MAST3: variants seen among roughly 807,000 people sequenced by gnomAD.
MAST3 encodes microtubule-associated serine/threonine-protein kinase 3.
Under a neutral mutation model 127.0 loss-of-function variants are expected in MAST3, and 43 were observed. That is an observed-to-expected ratio of 0.34 (90% CI 0.27 to 0.44). The LOEUF is 0.44. Ranked by LOEUF, MAST3 falls within the 20% of genes least tolerant of loss-of-function variation. The probability of loss-of-function intolerance (pLI) is 1.00; values close to 1 mark genes in which losing one functional copy is unlikely to be tolerated. For missense variants in MAST3, 1,390 were observed against 1,919.1 expected (o/e 0.72, Z 5.15); for synonymous variants, 785 against 809.2 (o/e 0.97, Z 0.51).
In MAST3 at chr19:18,128,413, G is replaced by A; in HGVS notation, c.1092G>A (p.Leu364=). 1 of 1,554,060 alleles carries A rather than the reference G, an allele frequency of 6.4e-7. No homozygotes were observed. Among genetic ancestry groups the A allele is most frequent in the Non-Finnish European group, 8.7e-7 (1 of 1,149,458 alleles). ...CTCATCTTGCAGAGATGGTGCCACT[G>A]AGTCACCTCGAAGAAGAACAGCCCC... ...AKDPLEEMVP[L]SHLEEEQPPA... is the part of the protein sequence containing the mutation. The change falls in exon 12 of 28, where the codon CTG becomes CTA. Residue 364 remains leucine, a synonymous_variant. Coordinates refer to ENST00000687212, the MANE Select transcript of MAST3 (RefSeq NM_001393504.1).
intron 1 of MAST3, among the ~76,000 whole-genome samples, chr19:18,101,336 TTCC>T (rs147438175): frequency 3.5e-4 from 50 of 144,090 alleles, no homozygotes; most frequent in East Asian, 1.5e-3. Flanking sequence ...TCCACTTATT[TTCC>T]TCCTCCTCCT....
chr19:18,132,974 G>A (rs1021123610), intron 15 of MAST3, among the ~76,000 whole-genome samples: 1 of 152,236 alleles, frequency 6.6e-6, no homozygotes, highest in South Asian at 2.1e-4. Flanking sequence ...GTGGTAGCGC[G>A]CACTTGTAGT....
intron 3 of MAST3, among the ~76,000 whole-genome samples, chr19:18,115,395 G>C (rs754738744): frequency 6.6e-6 from 1 of 152,114 alleles, no homozygotes; most frequent in East Asian, 1.9e-4. Context: ...GGCTGGGGAC[G>C]AGGGGGCAGC....
chr19:18,146,538 CTCATGGG>C (rs2043031318), intron 25 of MAST3, among the ~76,000 whole-genome samples: 2 of 152,026 alleles, frequency 1.3e-5, no homozygotes, highest in East Asian at 3.9e-4. Flanking sequence ...GGCCTAATGA[CTCATGGG>C]CCATTAGGTG....
chr19:18,109,658 C>G (rs2035293447), intron 2 of MAST3, among the ~76,000 whole-genome samples: 1 of 152,034 alleles, frequency 6.6e-6, no homozygotes, highest in Admixed American at 6.5e-5. Flanking sequence ...GCAGGTACAG[C>G]TTGGCGGAGG....
intron 19 of MAST3, 28 bp from the exon 20 acceptor site, chr19:18,138,987 G>C: frequency 1.4e-6 from 2 of 1,466,414 alleles, no homozygotes; most frequent in Non-Finnish European, 1.9e-6. Context: ...GGCATCAGGC[G>C]TGCTGCATGT....
Position 18,144,786 on chromosome 19 carries a change from A to T in MAST3, c.2812+93A>T. 1 of 1,355,604 alleles carries T rather than the reference A, an allele frequency of 7.4e-7. No individual in the cohort carries two copies. The highest frequency in any genetic ancestry group is 1.0e-6 in the Non-Finnish European group (1 of 965,136). The allele number at this position is 1,355,604 out of a possible 1,614,324, so 84.0% of individuals were successfully genotyped here. On this transcript the variant is annotated intron_variant, in intron 23 of 27. Coordinates refer to ENST00000687212, the MANE Select transcript of MAST3 (RefSeq NM_001393504.1). This position sits in a 1 kb window ranked among gnomAD's most constrained non-coding sequence, Gnocchi z 4.0. The stretch of plus-strand genomic sequence containing the variant: ...TCCTGAGTTGGGGAGGCTGGGGATG[A>T]GCCCCAGAAGAGGGGAGGAGGAGTA...
chr19:18,143,670 CAGACT>C, intron 21 of MAST3, 88 bp from the exon 22 acceptor site: 1 of 1,504,316 alleles, frequency 6.6e-7, no homozygotes, highest in South Asian at 1.2e-5. Flanking sequence ...CCCTTGACTG[CAGACT>C]GAGAGTTAAG....
intron 2 of MAST3, among the ~76,000 whole-genome samples, chr19:18,108,531 A>G (rs930923848): frequency 6.7e-4 from 102 of 151,740 alleles, no homozygotes; most frequent in African/African-American, 2.4e-3. Flanking sequence ...GAGCCTCCAC[A>G]CCTGACTTGT....
At chr19:18,118,762 G>T (rs796374744) in intron 3 of MAST3, among the ~76,000 whole-genome samples, 7 of 152,302 alleles carry the variant, frequency 4.6e-5, no homozygotes, top group African/African-American at 1.7e-4. Flanking sequence ...GGATAAGTGA[G>T]GGCTGTGGAT....
At position 18,144,118 on chromosome 19, in the gene MAST3, C is replaced by A; in HGVS notation, c.2584+111C>A. The stretch of plus-strand genomic sequence containing the variant: ...AGGAGTTCTCCAGAGCCAACAAAGG[C>A]TTTAAGAGAGGAGAAGCCAGGGTCC... On this transcript the variant is annotated intron_variant, in intron 22 of 27. Transcript: ENST00000687212. The surrounding 1 kb of genome is among the most constrained non-coding windows in gnomAD (Gnocchi z 4.0). 3 of 1,414,726 alleles carry A rather than the reference C, an allele frequency of 2.1e-6. No individual in the cohort carries two copies. The highest frequency in any genetic ancestry group is 2.9e-5 in the South Asian group (2 of 69,964). The allele number at this position is 1,414,726 out of a possible 1,614,324, so 87.6% of individuals were successfully genotyped here.
intron 2 of MAST3, chr19:18,109,854 C>A (rs1213352001): frequency 7.5e-6 from 6 of 796,298 alleles, no homozygotes; most frequent in Non-Finnish European, 9.1e-6. Context: ...GGAGTTGGGG[C>A]GGACTGCGCT....
intron 1 of MAST3, among the ~76,000 whole-genome samples, 182 bp downstream of exon 1, chr19:18,098,013 AG>A (rs973416121): frequency 5.3e-5 from 8 of 152,090 alleles, no homozygotes; most frequent in African/African-American, 1.4e-4. Context: ...CATGGTGGGA[AG>A]GGGGAAGGTG....
Position 18,118,915 on chromosome 19 carries a change from A to G in MAST3, c.162-2770A>G, listed in dbSNP as rs552239141. ...GGGCGGTGGGACCAGCTACCGAAAGACCTTGAATGCTGAGTCCAGGGCTTA... is the reference window on the plus strand; with the variant it reads ...GGGCGGTGGGACCAGCTACCGAAAGGCCTTGAATGCTGAGTCCAGGGCTTA... On this transcript the variant is annotated intron_variant, in intron 3 of 27. Coordinates refer to ENST00000687212, the MANE Select transcript of MAST3 (RefSeq NM_001393504.1). Among the ~76,000 whole-genome samples the G allele has an allele frequency of 2.0e-5, 3 of 152,150 alleles. No homozygotes were observed. In the East Asian group the frequency reaches 5.8e-4, roughly 29 times the overall value.
chr19:18,141,773 C>A, intron 20 of MAST3, 109 bp from the exon 21 acceptor site: 1 of 911,006 alleles, frequency 1.1e-6, no homozygotes, highest in Non-Finnish European at 1.5e-6. Flanking sequence ...CCAGGCTGGT[C>A]TCAAACTCCT....
At chr19:18,140,859 T>A (rs1176932305) in intron 20 of MAST3, among the ~76,000 whole-genome samples, 1 of 152,226 alleles carries the variant, frequency 6.6e-6, no homozygotes, top group East Asian at 1.9e-4. Flanking sequence ...AATAGTGCAA[T>A]CTCAGCTCAC....
chr19:18,116,198 A>G (rs2039228531), intron 3 of MAST3, among the ~76,000 whole-genome samples: 1 of 148,482 alleles, frequency 6.7e-6, no homozygotes, highest in Non-Finnish European at 1.5e-5. Context: ...GGTACAAGTG[A>G]TTCTACCACC....
At chr19:18,136,123 G>C (rs1004886405) in intron 18 of MAST3, among the ~76,000 whole-genome samples, 1 of 152,218 alleles carries the variant, frequency 6.6e-6, no homozygotes, top group Non-Finnish European at 1.5e-5. Flanking sequence ...CAAAGGCCCA[G>C]CCCAGAAGAT....
At chr19:18,130,109 G>A (rs1044673538) in intron 13 of MAST3, among the ~76,000 whole-genome samples, 1 of 151,916 alleles carries the variant, frequency 6.6e-6, no homozygotes, top group African/African-American at 2.4e-5. Context: ...CATTAGCCAG[G>A]TTCTGTTGTG....
Sources: gnomAD v4.1 joint callset for allele counts (sites outside exome capture counted in the v4.1 genomes callset) on GRCh38, gnomAD v4.1.1 for gene constraint, Gnocchi (gnomAD v3.1) non-coding constraint, MANE v1.5 for transcripts, NCBI Gene and HGNC (gene_info 2026-07-23, HGNC 2026-07-21) for gene names.